MAP2K5: variants seen among roughly 807,000 people sequenced by gnomAD.
MAP2K5 encodes mitogen-activated protein kinase kinase 5.
MAP2K5 carries 49 observed loss-of-function variants against 83.1 expected under a neutral mutation model. That is an observed-to-expected ratio of 0.59 (90% CI 0.47 to 0.75). MAP2K5 has a LOEUF of 0.75. Ranked by LOEUF, MAP2K5 falls within the 30% of genes least tolerant of loss-of-function variation. The probability of loss-of-function intolerance (pLI) is 0.00; values close to 1 mark genes in which losing one functional copy is unlikely to be tolerated. For synonymous variants in MAP2K5, 202 were observed against 191.8 expected (o/e 1.05, Z -0.44); for missense variants, 457 against 557.5 (o/e 0.82, Z 1.82).
chr15:67,643,899 A>T (rs373582585), intron 9 of MAP2K5, among the ~76,000 whole-genome samples: 31 of 152,274 alleles, frequency 2.0e-4, no homozygotes, highest in African/African-American at 7.5e-4. Flanking sequence ...TGCATAACTT[A>T]TGCTTTTTTC....
chr15:67,682,041 G>C (rs12912974), intron 13 of MAP2K5, among the ~76,000 whole-genome samples: 56,753 of 151,998 alleles, frequency 0.37, 12,103 homozygotes, highest in Non-Finnish European at 0.5. Flanking sequence ...ATGAAAAGCT[G>C]TATGCCTTCA....
In MAP2K5 at chr15:67,638,155, A is replaced by G. The variant is rs1279757149; in HGVS notation, c.585+7228A>G. 6.6e-6 allele frequency among the ~76,000 whole-genome samples: 1 copy of G among 151,884 alleles called. No individual in the cohort carries two copies. The highest frequency in any genetic ancestry group is 1.5e-5 in the Non-Finnish European group (1 of 67,982). On this transcript the variant is annotated intron_variant, in intron 9 of 21. Transcript: ENST00000178640. This position sits in a 1 kb window ranked among gnomAD's most constrained non-coding sequence, Gnocchi z 4.5. The stretch of plus-strand genomic sequence containing the variant: ...TGTGCCATGGGGGTTTGTTGTACAG[A>G]TTATTTTGTCACCCAGGTATTAAGC...
chr15:67,589,112 G>C (rs184124566), intron 6 of MAP2K5, among the ~76,000 whole-genome samples: 8 of 152,170 alleles, frequency 5.3e-5, no homozygotes, highest in African/African-American at 1.7e-4. Context: ...CCAAAGGGTT[G>C]TGATTACAGT....
chr15:67,803,898 A>G (rs191820922), intron 21 of MAP2K5, among the ~76,000 whole-genome samples: 1 of 152,232 alleles, frequency 6.6e-6, no homozygotes, highest in Admixed American at 6.5e-5. Flanking sequence ...TGGGTTACAG[A>G]CTTGTGGTTC....
intron 11 of MAP2K5, 71 bp downstream of exon 11, chr15:67,646,540 A>G: frequency 1.1e-5 from 8 of 753,746 alleles, no homozygotes; most frequent in Non-Finnish European, 1.7e-5. Context: ...CCTGGTTTTG[A>G]TATAGATATC....
chr15:67,694,422 A>G (rs1339403566), intron 15 of MAP2K5, among the ~76,000 whole-genome samples: 1 of 152,176 alleles, frequency 6.6e-6, no homozygotes, highest in Non-Finnish European at 1.5e-5. Context: ...GTTAGTATGG[A>G]TAAAACCGTG....
rs2084332048 is a variant in MAP2K5 at position 67,543,312 on chromosome 15, G to C, written c.-24G>C. 1 of 1,613,946 alleles carries C rather than the reference G, an allele frequency of 6.2e-7. No homozygotes were observed. Among genetic ancestry groups the C allele is most frequent in the Non-Finnish European group, 8.5e-7 (1 of 1,179,958 alleles). On this transcript the variant is annotated 5_prime_UTR_variant, in exon 1 of 22. Transcript: ENST00000178640. This position sits in a 1 kb window ranked among gnomAD's most constrained non-coding sequence, Gnocchi z 4.3. ...CGGCCAGTGGGTTTCCCATACCCCA[G>C]GATGTGAGCCTCTTTAACCTGTAAT... is the stretch of plus-strand genomic sequence containing the variant.
chr15:67,797,918 G>C (rs1472233471), intron 21 of MAP2K5, among the ~76,000 whole-genome samples: 1 of 152,124 alleles, frequency 6.6e-6, no homozygotes, highest in Non-Finnish European at 1.5e-5. Context: ...CCTGAGCTCA[G>C]GTGATCCACC....
intron 21 of MAP2K5, among the ~76,000 whole-genome samples, chr15:67,795,572 C>T (rs1469340673): frequency 1.3e-5 from 2 of 152,164 alleles, no homozygotes; most frequent in South Asian, 4.1e-4. Flanking sequence ...CCACTGTGGT[C>T]AGAGAGCATG....
At chr15:67,576,889 C>T (rs1414021956) in intron 3 of MAP2K5, among the ~76,000 whole-genome samples, 4 of 145,686 alleles carry the variant, frequency 2.7e-5, no homozygotes, top group Non-Finnish European at 6.1e-5. Flanking sequence ...TTTATTGCTG[C>T]AGTTTAATTT....
At position 67,782,578 on chromosome 15, in the gene MAP2K5, C is replaced by G. The variant is rs759001097; in HGVS notation, c.1242+9826C>G. Among the ~76,000 whole-genome samples, 2 of 152,198 alleles carry G rather than the reference C, an allele frequency of 1.3e-5. No individual in the cohort carries two copies. The highest frequency in any genetic ancestry group is 6.5e-5 in the Admixed American group (1 of 15,284). On this transcript the variant is annotated intron_variant, in intron 21 of 21. Coordinates refer to ENST00000178640, the MANE Select transcript of MAP2K5 (RefSeq NM_145160.3). This position sits in a 1 kb window ranked among gnomAD's most constrained non-coding sequence, Gnocchi z 4.9. ...GAGTTTATTCAGCATTCACAGGGAGCAGCTAATTGTCTATGAAGGGCCCCC... is the reference window on the plus strand; with the variant it reads ...GAGTTTATTCAGCATTCACAGGGAGGAGCTAATTGTCTATGAAGGGCCCCC...
chr15:67,622,046 T>A (rs2086198543), intron 8 of MAP2K5, among the ~76,000 whole-genome samples: 1 of 148,300 alleles, frequency 6.7e-6, no homozygotes, highest in Non-Finnish European at 1.5e-5. Flanking sequence ...TAGCCGGGCA[T>A]GGTGGCACAC....
intron 11 of MAP2K5, 85 bp downstream of exon 11, chr15:67,646,554 TAG>T: frequency 1.5e-6 from 1 of 666,962 alleles, no homozygotes; most frequent in South Asian, 2.3e-5. Context: ...AGATATCAAA[TAG>T]AATTAAAGAT....
At position 67,587,420 on chromosome 15, in the gene MAP2K5, G is replaced by T. The variant is rs1324294725; in HGVS notation, c.431+507G>T. ...GTAGGAGAGGGACATGGCCAGCCCT[G>T]TGTTTTTAAAAGATCCTCTGCCTGT... On this transcript the variant is annotated intron_variant, in intron 6 of 21. Transcript: ENST00000178640. This position sits in a 1 kb window ranked among gnomAD's most constrained non-coding sequence, Gnocchi z 4.8. 3.9e-5 allele frequency among the ~76,000 whole-genome samples: 6 copies of T among 152,284 alleles called. No individual in the cohort carries two copies. In the East Asian group the frequency reaches 9.6e-4, roughly 24 times the overall value.
intron 8 of MAP2K5, among the ~76,000 whole-genome samples, chr15:67,622,144 CAAAAAAA>C (rs11289969): frequency 1.1e-5 from 1 of 90,690 alleles, no homozygotes; most frequent in Non-Finnish European, 2.3e-5. Context: ...GGCTCCATCT[CAAAAAAA>C]AAAAAAAAAA....
At chr15:67,771,458 G>A (rs1426305987) in intron 20 of MAP2K5, among the ~76,000 whole-genome samples, 7 of 152,176 alleles carry the variant, frequency 4.6e-5, no homozygotes, top group Non-Finnish European at 1.0e-4. Context: ...TTAATCAGCT[G>A]TTATTTAAAA....
At chr15:67,600,845 C>G in intron 8 of MAP2K5, 96 bp downstream of exon 8, 1 of 826,356 alleles carries the variant, frequency 1.2e-6, no homozygotes, top group African/African-American at 1.8e-5. Context: ...ACCACTAACA[C>G]TTAGATTTTA....
At chr15:67,649,047 A>T (rs940190098) in intron 11 of MAP2K5, among the ~76,000 whole-genome samples, 1 of 152,142 alleles carries the variant, frequency 6.6e-6, no homozygotes, top group Non-Finnish European at 1.5e-5. Context: ...ATTTTTGCCA[A>T]TACTTGTCAT....
chr15:67,801,843 A>G lies in MAP2K5; in HGVS notation c.1243-4803A>G, dbSNP rs1435239861. 1.3e-5 allele frequency among the ~76,000 whole-genome samples: 2 copies of G among 152,220 alleles called. No homozygotes were observed. The highest frequency in any genetic ancestry group is 3.8e-4 in the East Asian group (2 of 5,198). On this transcript the variant is annotated intron_variant, in intron 21 of 21. Coordinates refer to ENST00000178640, the MANE Select transcript of MAP2K5 (RefSeq NM_145160.3). This position sits in a 1 kb window ranked among gnomAD's most constrained non-coding sequence, Gnocchi z 4.8. ...GGCCCTGCAGCCACACCAGCAAGTTATTAAATTATTCAAATGCATTATATT... is the reference window on the plus strand; with the variant it reads ...GGCCCTGCAGCCACACCAGCAAGTTGTTAAATTATTCAAATGCATTATATT...
Sources: allele counts gnomAD v4.1 joint callset (sites outside exome capture counted in the v4.1 genomes callset), GRCh38; gene constraint gnomAD v4.1.1; non-coding constraint Gnocchi (gnomAD v3.1); transcripts MANE v1.5; gene names NCBI Gene and HGNC (gene_info 2026-07-23, HGNC 2026-07-21).